The following RAB3IP variants were observed in gnomAD, a reference collection of about 807,000 sequenced individuals.
RAB3IP encodes RAB3A interacting protein.
In RAB3IP, 36 loss-of-function variants were observed where a neutral mutation model predicts 59.1. The ratio of observed to expected loss-of-function variants is 0.61; its 90% CI spans 0.47 to 0.80. The LOEUF is 0.80. Among genes scored for constraint, RAB3IP ranks in the 30% least tolerant of loss-of-function variants. The probability of loss-of-function intolerance (pLI) is 0.00; values close to 1 mark genes in which losing one functional copy is unlikely to be tolerated. For synonymous variants in RAB3IP, 207 were observed against 191.2 expected (o/e 1.08, Z -0.68); for missense variants, 511 against 536.0 (o/e 0.95, Z 0.46).
intron 6 of RAB3IP, 101 bp downstream of exon 6, chr12:69,795,445 A>G (rs1303781770): frequency 1.3e-5 from 12 of 899,560 alleles, no homozygotes; most frequent in Admixed American, 6.0e-5. Flanking sequence ...TTTTAGTACA[A>G]AATAATGCAG....
At chr12:69,811,606 G>T (rs1457124205) in intron 8 of RAB3IP, among the ~76,000 whole-genome samples, 2 of 152,120 alleles carry the variant, frequency 1.3e-5, no homozygotes, top group Non-Finnish European at 2.9e-5. Flanking sequence ...CCAACACTTT[G>T]TGCTTTAAAT....
At chr12:69,783,758 C>T (rs1174813773) in intron 3 of RAB3IP, among the ~76,000 whole-genome samples, 2 of 152,106 alleles carry the variant, frequency 1.3e-5, no homozygotes, top group Admixed American at 1.3e-4. Context: ...TGTAGGGTAC[C>T]TCTGTTGTAG....
chr12:69,792,201 A>T (rs986433790), intron 4 of RAB3IP, among the ~76,000 whole-genome samples: 1 of 152,178 alleles, frequency 6.6e-6, no homozygotes, highest in African/African-American at 2.4e-5. Context: ...AGTGTCAGTT[A>T]TGCAGGATAG....
At chr12:69,805,797 G>A (rs1247895554) in intron 8 of RAB3IP, among the ~76,000 whole-genome samples, 7 of 152,182 alleles carry the variant, frequency 4.6e-5, no homozygotes, top group South Asian at 4.2e-4. Flanking sequence ...GCTGGATTAC[G>A]TTTATTGATT....
rs1408180397 is a variant in RAB3IP at position 69,812,706 on chromosome 12, A to G, written c.1131-72A>G. ...ATATTTGTTATCTAACTGAATGAATAGGCAACTTGTACAGAAGGTAGGGGC... is the reference window on the plus strand; with the variant it reads ...ATATTTGTTATCTAACTGAATGAATGGGCAACTTGTACAGAAGGTAGGGGC... On this transcript the variant is annotated intron_variant, in intron 8 of 10. Transcript: ENST00000247833. The G allele has an allele frequency of 8.4e-6, 8 of 957,368 alleles. No homozygotes were observed. The African/African-American group carries it at 1.3e-4, about 16-fold the overall frequency. 59.3% of individuals were successfully genotyped at this position (957,368 alleles called of 1,614,324 possible).
intron 1 of RAB3IP, among the ~76,000 whole-genome samples, chr12:69,747,034 G>A (rs1264307590): frequency 6.6e-6 from 1 of 152,124 alleles, no homozygotes; most frequent in East Asian, 1.9e-4. Flanking sequence ...ATTTATAGAT[G>A]TTTACTTTTT....
chr12:69,795,032 T>C (rs536717937), intron 5 of RAB3IP, 109 bp from the exon 6 acceptor site: 1 of 806,186 alleles, frequency 1.2e-6, no homozygotes, highest in South Asian at 1.9e-5. Context: ...GAAATACAAA[T>C]TAAACTTACT....
chr12:69,779,217 G>A (rs887533396), intron 3 of RAB3IP: 8 of 143,644 alleles, frequency 5.6e-5, no homozygotes, highest in African/African-American at 1.8e-4. Flanking sequence ...CTCGGAAAGG[G>A]AACTCCCTGA....
chr12:69,750,899 C>CT (rs1263793618), intron 1 of RAB3IP, among the ~76,000 whole-genome samples: 1 of 151,998 alleles, frequency 6.6e-6, no homozygotes, highest in Non-Finnish European at 1.5e-5. Flanking sequence ...CTCAAACAAC[C>CT]TTTTACCTTA....
At chr12:69,799,463 A>G (rs892492558) in intron 6 of RAB3IP, among the ~76,000 whole-genome samples, 5 of 152,270 alleles carry the variant, frequency 3.3e-5, no homozygotes, top group African/African-American at 1.2e-4. Context: ...GAGGTGAGAA[A>G]GAGAGGGATA....
chr12:69,746,575 C>T lies in RAB3IP; in HGVS notation c.-26+7544C>T, dbSNP rs117359239. Among the ~76,000 whole-genome samples, 810 of 152,266 alleles carry T rather than the reference C, an allele frequency of 5.3e-3. 3 individuals are homozygous for T. Among genetic ancestry groups the T allele is most frequent in the Non-Finnish European group, 7.2e-3 (488 of 68,012 alleles). ...GGTCCATTTGTATCTGTATTCTTAGCACTTAGTATCAGGATTTGCCCGGAG... is the reference window on the plus strand; with the variant it reads ...GGTCCATTTGTATCTGTATTCTTAGTACTTAGTATCAGGATTTGCCCGGAG... On this transcript the variant is annotated intron_variant, in intron 1 of 10. Coordinates refer to ENST00000247833, the MANE Select transcript of RAB3IP (RefSeq NM_022456.5).
At chr12:69,803,156 G>C (rs1209327616) in intron 8 of RAB3IP, among the ~76,000 whole-genome samples, 3 of 151,964 alleles carry the variant, frequency 2.0e-5, no homozygotes, top group Non-Finnish European at 4.4e-5. Context: ...ATAACAAATG[G>C]GGATATCAAA....
chr12:69,771,347 A>G (rs1873077575), intron 3 of RAB3IP, among the ~76,000 whole-genome samples: 1 of 152,156 alleles, frequency 6.6e-6, no homozygotes, highest in South Asian at 2.1e-4. Flanking sequence ...CCTAGGCAAC[A>G]TAGCGAGATG....
intron 1 of RAB3IP, among the ~76,000 whole-genome samples, chr12:69,752,111 C>T (rs569643491): frequency 1.3e-5 from 2 of 150,836 alleles, no homozygotes; most frequent in East Asian, 3.9e-4. Flanking sequence ...TCAAGCCATC[C>T]TCCCATCTTA....
At chr12:69,789,783 G>A (rs1876308648) in intron 4 of RAB3IP, among the ~76,000 whole-genome samples, 2 of 152,078 alleles carry the variant, frequency 1.3e-5, no homozygotes, top group South Asian at 4.1e-4. Flanking sequence ...CATCAACATA[G>A]GCAAATCAAT....
At chr12:69,749,222 A>G (rs535404690) in intron 1 of RAB3IP, among the ~76,000 whole-genome samples, 2 of 152,380 alleles carry the variant, frequency 1.3e-5, no homozygotes, top group African/African-American at 2.4e-5. Context: ...AGCAAGCTGC[A>G]TTAGATTCTC....
chr12:69,807,110 A>G (rs544356323), intron 8 of RAB3IP, among the ~76,000 whole-genome samples: 2 of 152,056 alleles, frequency 1.3e-5, no homozygotes, highest in South Asian at 2.1e-4. Context: ...GCTGTTGGGT[A>G]CACCTCCCAG....
Position 69,815,624 on chromosome 12 carries a change from C to T in RAB3IP, c.*178C>T. On this transcript the variant is annotated 3_prime_UTR_variant, in exon 11 of 11. Coordinates refer to ENST00000247833, the MANE Select transcript of RAB3IP (RefSeq NM_022456.5). ...CTGATCTATGCTGTGTTTGCTTATT[C>T]TTTAGTTGAACACACTATGAAGAAT... The T allele has an allele frequency of 4.9e-6, 2 of 407,528 alleles. No homozygotes were observed. The highest frequency in any genetic ancestry group is 4.5e-4 in the Middle Eastern group (1 of 2,244). 25.2% of individuals were successfully genotyped at this position (407,528 alleles called of 1,614,324 possible).
At chr12:69,743,779 A>G (rs962084947) in intron 1 of RAB3IP, among the ~76,000 whole-genome samples, 1 of 148,778 alleles carries the variant, frequency 6.7e-6, no homozygotes, top group South Asian at 2.1e-4. Context: ...TTACTGTTTC[A>G]TTTCTATCTT....
Sources: allele counts gnomAD v4.1 joint callset (sites outside exome capture counted in the v4.1 genomes callset), GRCh38; gene constraint gnomAD v4.1.1; transcripts MANE v1.5; gene names NCBI Gene and HGNC (gene_info 2026-07-23, HGNC 2026-07-21).